Variants in ZNF837 observed in about 807,000 individuals in gnomAD.
ZNF837 encodes the protein zinc finger protein 837.
For synonymous variants in ZNF837, 475 were observed against 365.2 expected (o/e 1.30, Z -3.43); for missense variants, 955 against 801.7 (o/e 1.19, Z -2.31).
Position 58,368,687 on chromosome 19 carries a change from C to T in ZNF837, c.646G>A (p.Glu216Lys), listed in dbSNP as rs1335028818. The change falls in exon 3 of 3, where the codon GAG becomes AAG. Residue 216 changes from glutamate (E) to lysine (K), a missense_variant. Coordinates refer to ENST00000597582, the MANE Select transcript of ZNF837 (RefSeq NM_138466.2). ...GGCTCCTCCGTCGCCTGCAGCCTCT[C>T]CTGGGGGATCCGCAGGGCCCTCCAC... ...FAWRALRIPQ[E>K]RLQATEEPRP... 2 of 1,533,018 alleles carry T rather than the reference C, an allele frequency of 1.3e-6. No individual in the cohort carries two copies. The highest frequency in any genetic ancestry group is 2.5e-5 in the East Asian group (1 of 40,794). The allele number at this position is 1,533,018 out of a possible 1,614,324, so 95.0% of individuals were successfully genotyped here.
At chr19:58,369,406 A>G in intron 2 of ZNF837, 45 bp from the exon 3 acceptor site, 1 of 1,312,550 alleles carries the variant, frequency 7.6e-7, no homozygotes, top group Non-Finnish European at 9.7e-7. Flanking sequence ...TCCCAGGAGG[A>G]GAGAAGTGGA....
rs2052151229 is a variant in ZNF837, at chr19:58,367,908, G to A, written c.1425C>T (p.Tyr475=). 4.6e-6 allele frequency: 7 copies of A among 1,535,270 alleles called. No individual in the cohort carries two copies. Among genetic ancestry groups the A allele is most frequent in the Non-Finnish European group, 6.1e-6 (7 of 1,144,518 alleles). The change falls in exon 3 of 3, where the codon TAC becomes TAT. Residue 475 remains tyrosine (Y), a synonymous_variant. Coordinates refer to ENST00000597582, the MANE Select transcript of ZNF837 (RefSeq NM_138466.2). Reference sequence around the variant, plus strand: ...AGGCCTTGCCGCAGTCGCGGCAGATGTAGGGCTTCTCGCCCGAGTGCAGGC... The same window carrying A: ...AGGCCTTGCCGCAGTCGCGGCAGATATAGGGCTTCTCGCCCGAGTGCAGGC... ...HERLHSGEKP[Y]ICRDCGKAFV...
intron 1 of ZNF837, among the ~76,000 whole-genome samples, chr19:58,375,755 C>CTTT (rs75807213): frequency 2.1e-5 from 3 of 141,126 alleles, no homozygotes; most frequent in African/African-American, 2.6e-5. Flanking sequence ...TGATTTATAT[C>CTTT]TTTTTTTTTT....
At chr19:58,380,434 G>A (rs1489801239) in intron 1 of ZNF837, among the ~76,000 whole-genome samples, 2 of 152,222 alleles carry the variant, frequency 1.3e-5, no homozygotes, top group Non-Finnish European at 1.5e-5. Flanking sequence ...GTTTAAGAGA[G>A]AAAAAGACGT....
In ZNF837 at chr19:58,375,309, T is replaced by TAA. The variant is rs1555782422; in HGVS notation, c.-139-5382_-139-5381insTT. ...ATATATATATATATATATATATATA[T>TAA]ATAAAATTACATATATACTTAAGAG... On this transcript the variant is annotated intron_variant, in intron 1 of 2. Transcript: ENST00000597582. Among the ~76,000 whole-genome samples, 92 of 41,772 alleles carry TAA rather than the reference T, an allele frequency of 2.2e-3. 3 individuals carry two copies. Among genetic ancestry groups the TAA allele is most frequent in the African/African-American group, 4.0e-3 (80 of 20,004 alleles). The allele number at this position is 41,772 out of a possible 152,430, so 27.4% of individuals were successfully genotyped here. A position where few individuals can be genotyped will look rare whatever the true frequency, so the allele number is the denominator to read the frequency against.
Position 58,369,060 on chromosome 19 carries a change from C to G in ZNF837, c.273G>C (p.Pro91=). 1 of 1,518,774 alleles carries G rather than the reference C, an allele frequency of 6.6e-7. No individual in the cohort carries two copies. The highest frequency in any genetic ancestry group is 1.9e-4 in the Middle Eastern group (1 of 5,254). The allele number at this position is 1,518,774 out of a possible 1,614,324, so 94.1% of individuals were successfully genotyped here. ...GGTTCTGAGAAGAGGTGGGGCCGCA[C>G]GGCTCCCGCACGAGGGGTCTGGTCC... ...SAGTRPLVRE[P]CGPTSSQNPE... Residue 91 remains proline, a synonymous_variant, in exon 3 of 3, where the codon CCG becomes CCC. Transcript: ENST00000597582.
intron 1 of ZNF837, among the ~76,000 whole-genome samples, chr19:58,372,574 T>C (rs1010865774): frequency 6.6e-6 from 1 of 152,170 alleles, no homozygotes; most frequent in Non-Finnish European, 1.5e-5. Context: ...TGGCCTGAAA[T>C]AACTTGACCG....
Position 58,369,081 on chromosome 19 carries a change from G to A in ZNF837, c.252C>T (p.Thr84=), listed in dbSNP as rs976931640. ...CGCACGGCTCCCGCACGAGGGGTCTGGTCCCGGCGCTGTGCCGGGTCCCCG... is the reference window on the plus strand; with the variant it reads ...CGCACGGCTCCCGCACGAGGGGTCTAGTCCCGGCGCTGTGCCGGGTCCCCG... The part of the protein sequence containing the change: ...PGPGTRHSAG[T]RPLVREPCGP... Residue 84 remains threonine (T), a synonymous_variant, in exon 3 of 3, where the codon ACC becomes ACT. Coordinates refer to ENST00000597582, the MANE Select transcript of ZNF837 (RefSeq NM_138466.2). The A allele has an allele frequency of 1.0e-4, 154 of 1,518,512 alleles. No individual in the cohort carries two copies. Among genetic ancestry groups the A allele is most frequent in the Admixed American group, 3.7e-4 (17 of 45,508 alleles). The allele number at this position is 1,518,512 out of a possible 1,614,324, so 94.1% of individuals were successfully genotyped here.
chr19:58,380,684 C>T (rs759674019), intron 1 of ZNF837, among the ~76,000 whole-genome samples: 6 of 152,172 alleles, frequency 3.9e-5, no homozygotes, highest in Non-Finnish European at 8.8e-5. Context: ...CCTCCCCTCG[C>T]GGGCTTCAAT....
chr19:58,367,782 G>A lies in ZNF837; in HGVS notation c.1551C>T (p.Asn517=), dbSNP rs555944487. 2 of 1,535,920 alleles carry A rather than the reference G, an allele frequency of 1.3e-6. No individual in the cohort carries two copies. The highest frequency in any genetic ancestry group is 1.4e-5 in the African/African-American group (1 of 72,910). The change falls in exon 3 of 3, where the codon AAC becomes AAT. Residue 517 remains asparagine (N), a synonymous_variant. Coordinates refer to ENST00000597582, the MANE Select transcript of ZNF837 (RefSeq NM_138466.2). ...DCGRAFSQRS[N]LNEHRKRHGG... ...CGTGCCGCTTCCGGTGCTCGTTGAG[G>A]TTGGAGCGTTGGCTGAAGGCGCGGC...
chr19:58,368,064 C>G lies in ZNF837; in HGVS notation c.1269G>C (p.Leu423=). The change falls in exon 3 of 3, where the codon CTG becomes CTC. Residue 423 remains leucine (L), a synonymous_variant. Transcript: ENST00000597582. ...HSSAKPYACP[L]CEKAFKGRSG... ...AGCGGCCCTTGAAGGCCTTTTCGCA[C>G]AGTGGGCACGCGTAGGGCTTGGCGC... is the stretch of plus-strand genomic sequence containing the variant. 1 of 1,542,580 alleles carries G rather than the reference C, an allele frequency of 6.5e-7. No individual in the cohort carries two copies. The highest frequency in any genetic ancestry group is 8.7e-7 in the Non-Finnish European group (1 of 1,147,854).
At position 58,369,337 on chromosome 19, in the gene ZNF837, G is replaced by T. The variant is rs1053217260; in HGVS notation, c.-5C>A. 1 of 1,357,716 alleles carries T rather than the reference G, an allele frequency of 7.4e-7. No individual in the cohort carries two copies. Among genetic ancestry groups the T allele is most frequent in the South Asian group, 1.9e-5 (1 of 52,804 alleles). 84.1% of individuals were successfully genotyped at this position (1,357,716 alleles called of 1,614,324 possible). A position where few individuals can be genotyped will look rare whatever the true frequency, so the allele number is the denominator to read the frequency against. On this transcript the variant is annotated 5_prime_UTR_variant, in exon 3 of 3. Transcript: ENST00000597582. ...CTTCTGGGCTGGAGCCTCCATCCTG[G>T]GGCGCAGAGTTCTGGTTGTAGGATC...
Position 58,368,257 on chromosome 19 carries a change from C to T in ZNF837, c.1076G>A (p.Gly359Glu), listed in dbSNP as rs1380355537. ...GTCGGCGCACTCGTACGGCTTCTCC[C>T]CGGCTCCCGACCCCCGTCGGGGACT... ...ERSPRRGSGA[G>E]EKPYECADCA... The change falls in exon 3 of 3, where the codon GGG (glycine) becomes GAG (glutamate). Residue 359 changes from glycine to glutamate, a missense_variant. Transcript: ENST00000597582. 3.4e-6 allele frequency: 5 copies of T among 1,489,460 alleles called. No individual in the cohort carries two copies. The East Asian group carries it at 1.3e-4, about 37-fold the overall frequency. The allele number at this position is 1,489,460 out of a possible 1,614,324, so 92.3% of individuals were successfully genotyped here. A position where few individuals can be genotyped will look rare whatever the true frequency, so the allele number is the denominator to read the frequency against.
Position 58,369,266 on chromosome 19 carries a change from C to T in ZNF837, c.67G>A (p.Gly23Arg), listed in dbSNP as rs1208689584. Residue 23 changes from glycine (G) to arginine (R), a missense_variant, in exon 3 of 3, where the codon GGG becomes AGG. Coordinates refer to ENST00000597582, the MANE Select transcript of ZNF837 (RefSeq NM_138466.2). ...TCCTCGGGCCTCTTCTCCCGGGCCC[C>T]GGAGGCACCCTGGGCATCGGCCTTG... ...LPKADAQGAS[G>R]AREKRPEEPR... 7 of 1,408,872 alleles carry T rather than the reference C, an allele frequency of 5.0e-6. No individual in the cohort carries two copies. 87.3% of individuals were successfully genotyped at this position (1,408,872 alleles called of 1,614,324 possible).
At position 58,370,156 on chromosome 19, in the gene ZNF837, C is replaced by CGT. The variant is rs1300092717; in HGVS notation, c.-139-230_-139-229dup. ...CTTGTTATCTCAGAGTTCTGGAGGT[C>CGT]GTAAGTCCTAAGTGAAGGTTTCAGT... On this transcript the variant is annotated intron_variant, in intron 1 of 2. Coordinates refer to ENST00000597582, the MANE Select transcript of ZNF837 (RefSeq NM_138466.2). Among the ~76,000 whole-genome samples the CGT allele has an allele frequency of 2.0e-5, 3 of 152,196 alleles. No homozygotes were observed. In the East Asian group the frequency reaches 5.8e-4, roughly 29 times the overall value.
At chr19:58,377,864 G>A (rs891043951) in intron 1 of ZNF837, among the ~76,000 whole-genome samples, 2 of 152,188 alleles carry the variant, frequency 1.3e-5, no homozygotes, top group Non-Finnish European at 2.9e-5. Context: ...CAGGCTGCCT[G>A]CTGGCTCCCA....
intron 1 of ZNF837, among the ~76,000 whole-genome samples, chr19:58,371,040 T>G (rs376054662): frequency 1.8e-4 from 28 of 151,436 alleles, no homozygotes; most frequent in Non-Finnish European, 2.9e-4. Context: ...AGGAGATCGA[T>G]ACCATCCTGG....
intron 1 of ZNF837, among the ~76,000 whole-genome samples, chr19:58,374,346 T>C (rs1343551789): frequency 6.6e-6 from 1 of 152,186 alleles, no homozygotes; most frequent in Non-Finnish European, 1.5e-5. Context: ...AATGGGATAT[T>C]ATTCAGCCAT....
rs1568568367 is a variant in ZNF837 at position 58,375,298 on chromosome 19, AT to A, written c.-139-5371del. ...TATATATATATATATATATATATAT[AT>A]ATATATATATATAAAATTACATATA... On this transcript the variant is annotated intron_variant, in intron 1 of 2. Transcript: ENST00000597582. Among the ~76,000 whole-genome samples, 91 of 95,696 alleles carry A rather than the reference AT, an allele frequency of 9.5e-4. 2 individuals carry two copies. The highest frequency in any genetic ancestry group is 3.1e-3 in the African/African-American group (90 of 28,770). 62.8% of individuals were successfully genotyped at this position (95,696 alleles called of 152,430 possible). A position where few individuals can be genotyped will look rare whatever the true frequency, so the allele number is the denominator to read the frequency against.
Sources: allele counts gnomAD v4.1 joint callset (sites outside exome capture counted in the v4.1 genomes callset), GRCh38; gene constraint gnomAD v4.1.1; transcripts MANE v1.5; gene names NCBI Gene and HGNC (gene_info 2026-07-23, HGNC 2026-07-21).